The following ESRRB variants were observed in gnomAD, a reference collection of about 807,000 sequenced individuals.
ESRRB encodes steroid hormone receptor ERR2.
A neutral mutation model predicts 46.0 loss-of-function variants in ESRRB; 16 were observed. The observed-to-expected ratio is 0.35, with a 90% CI of 0.24 to 0.53. The LOEUF (loss-of-function observed/expected upper bound fraction) is 0.53. ESRRB is among the 20% of genes least tolerant of loss of function. ESRRB has a pLI of 0.93. For synonymous variants in ESRRB, 246 were observed against 259.6 expected (o/e 0.95, Z 0.50); for missense variants, 488 against 607.4 (o/e 0.80, Z 2.07).
intron 1 of ESRRB, among the ~76,000 whole-genome samples, chr14:76,427,361 A>G (rs199750891): frequency 5.4e-5 from 8 of 147,894 alleles, no homozygotes; most frequent in East Asian, 4.0e-4. Flanking sequence ...GTGTGTGTGT[A>G]TGTGTGTGTA....
At chr14:76,451,770 G>A (rs1271799229) in intron 2 of ESRRB, among the ~76,000 whole-genome samples, 4 of 149,556 alleles carry the variant, frequency 2.7e-5, no homozygotes. Flanking sequence ...TTACAGGTGT[G>A]GGCCACCATG....
chr14:76,404,631 C>G (rs1441071670), intron 1 of ESRRB, among the ~76,000 whole-genome samples: 1 of 152,208 alleles, frequency 6.6e-6, no homozygotes, highest in Non-Finnish European at 1.5e-5. Flanking sequence ...GTTTCTGCCT[C>G]CTTTTCTCCC....
chr14:76,439,320 C>A (rs773881797), intron 1 of ESRRB, 21 bp from the exon 2 acceptor site: 5 of 1,613,554 alleles, frequency 3.1e-6, no homozygotes, highest in Non-Finnish European at 4.2e-6. Flanking sequence ...CTGGGGCTGA[C>A]TTCCCGATTT....
intron 6 of ESRRB, 87 bp downstream of exon 6, chr14:76,491,803 C>A (rs1890245046): frequency 1.4e-6 from 2 of 1,405,974 alleles, no homozygotes; most frequent in Non-Finnish European, 1.9e-6. Flanking sequence ...GTGGGCAGGG[C>A]TGGCTGCCAT....
intron 1 of ESRRB, among the ~76,000 whole-genome samples, chr14:76,340,154 C>G (rs1388710185): frequency 6.6e-6 from 1 of 152,134 alleles, no homozygotes; most frequent in Non-Finnish European, 1.5e-5. Context: ...AGTGGCCATT[C>G]ACCTAAGCAA....
chr14:76,449,070 T>C (rs1357747951), intron 2 of ESRRB, among the ~76,000 whole-genome samples: 3 of 152,204 alleles, frequency 2.0e-5, no homozygotes, highest in Non-Finnish European at 4.4e-5. Context: ...TGAGAATGTA[T>C]GCGCTGCTAT....
chr14:76,469,949 T>TTTTG (rs1889310361), intron 3 of ESRRB, among the ~76,000 whole-genome samples: 1 of 131,394 alleles, frequency 7.6e-6, no homozygotes, highest in Non-Finnish European at 1.6e-5. Context: ...TTTTTCTTTT[T>TTTTG]TTTTTTTTTT....
intron 3 of ESRRB, among the ~76,000 whole-genome samples, chr14:76,476,110 T>C (rs1485956822): frequency 1.3e-5 from 2 of 151,958 alleles, no homozygotes; most frequent in Non-Finnish European, 2.9e-5. Flanking sequence ...GGAGTCTCAC[T>C]CTGTTGCCCA....
intron 2 of ESRRB, among the ~76,000 whole-genome samples, chr14:76,442,356 A>G (rs1204446519): frequency 1.3e-5 from 2 of 152,128 alleles, no homozygotes; most frequent in East Asian, 3.8e-4. Context: ...GGTGCCTGTA[A>G]TCCCAGCTGC....
chr14:76,396,345 G>T (rs1885681467), intron 1 of ESRRB, among the ~76,000 whole-genome samples: 1 of 151,924 alleles, frequency 6.6e-6, no homozygotes, highest in African/African-American at 2.4e-5. Flanking sequence ...CTAAATGCTG[G>T]GTATATGCTT....
chr14:76,355,334 C>T lies in ESRRB; in HGVS notation c.2+44418C>T, dbSNP rs899523733. ...GACCCTGGCAGACTTTTACCACGCC[C>T]TTCTCCCTTTCACCACTCATGTTTC... On this transcript the variant is annotated intron_variant, in intron 1 of 6. Transcript: ENST00000512784. Among the ~76,000 whole-genome samples, 21 of 152,280 alleles carry T rather than the reference C, an allele frequency of 1.4e-4. No homozygotes were observed. In the East Asian group the frequency reaches 1.9e-3, roughly 14 times the overall value.
At chr14:76,337,638 TCTC>T (rs1278295669) in intron 1 of ESRRB, among the ~76,000 whole-genome samples, 6 of 152,170 alleles carry the variant, frequency 3.9e-5, no homozygotes, top group Non-Finnish European at 7.3e-5. Context: ...AAATAATCTT[TCTC>T]TTTGCTCCAG....
upstream of ESRRB, among the ~76,000 whole-genome samples, chr14:76,370,750 GA>G (rs1022598205): frequency 1.0e-4 from 15 of 150,592 alleles, no homozygotes; most frequent in East Asian, 3.9e-4. Context: ...TAGTTGGTAG[GA>G]AAAAAAAAGA....
chr14:76,450,300 G>C (rs141712253), intron 2 of ESRRB, among the ~76,000 whole-genome samples: 201 of 152,310 alleles, frequency 1.3e-3, no homozygotes, highest in Non-Finnish European at 2.5e-3. Flanking sequence ...AACATGGCTA[G>C]TGTCAGTGAG....
chr14:76,325,428 C>T (rs762634293), intron 1 of ESRRB, among the ~76,000 whole-genome samples: 1 of 152,150 alleles, frequency 6.6e-6, no homozygotes, highest in Non-Finnish European at 1.5e-5. Context: ...GTCTGGCTGC[C>T]TCAAGGGAAA....
At chr14:76,461,658 G>A (rs1308985312) in intron 2 of ESRRB, among the ~76,000 whole-genome samples, 2 of 152,088 alleles carry the variant, frequency 1.3e-5, no homozygotes, top group Admixed American at 6.5e-5. Flanking sequence ...ACAGGCACAT[G>A]CCACCACACC....
chr14:76,367,949 CTTTTTTTTTT>C (rs778235037), upstream of ESRRB, among the ~76,000 whole-genome samples: 52 of 95,286 alleles, frequency 5.5e-4, no homozygotes, highest in South Asian at 2.7e-3. Context: ...TTCCAGTTTG[CTTTTTTTTTT>C]TTTTTTTTTT....
chr14:76,399,884 G>A (rs1202428307), intron 1 of ESRRB, among the ~76,000 whole-genome samples: 1 of 152,218 alleles, frequency 6.6e-6, no homozygotes, highest in Non-Finnish European at 1.5e-5. Context: ...GCCGTTTCAA[G>A]GAGCAAACTC....
At chr14:76,328,931 G>T (rs1163285589) in intron 1 of ESRRB, among the ~76,000 whole-genome samples, 3 of 152,170 alleles carry the variant, frequency 2.0e-5, no homozygotes, top group Non-Finnish European at 2.9e-5. Flanking sequence ...GTGTGTGTTT[G>T]ATCTCTGGTG....
Sources: allele counts gnomAD v4.1 joint callset (sites outside exome capture counted in the v4.1 genomes callset), GRCh38; gene constraint gnomAD v4.1.1; transcripts MANE v1.5; gene names NCBI Gene and HGNC (gene_info 2026-07-23, HGNC 2026-07-21).